The following TUBB3 variants were observed in gnomAD, a reference collection of about 807,000 sequenced individuals.
TUBB3 encodes tubulin beta-3 chain.
Under a neutral mutation model 37.8 loss-of-function variants are expected in TUBB3, and 17 were observed. The observed-to-expected ratio is 0.45, with a 90% CI of 0.31 to 0.67. TUBB3 has a LOEUF of 0.67. TUBB3 is among the 30% of genes least tolerant of loss of function. The probability of loss-of-function intolerance (pLI) is 0.07; values close to 1 mark genes in which losing one functional copy is unlikely to be tolerated. For synonymous variants in TUBB3, 332 were observed against 278.9 expected (o/e 1.19, Z -1.90); for missense variants, 262 against 657.9 (o/e 0.40, Z 6.58).
At chr16:89,927,584 T>TTTTTTTTTTTTTTTTTTTTTTTTTTTGAG (rs2030131966) in intron 1 of TUBB3, among the ~76,000 whole-genome samples, 1 of 152,020 alleles carries the variant, frequency 6.6e-6, no homozygotes, top group African/African-American at 2.4e-5. Flanking sequence ...CCATTTTTTT[T>TTTTTTTTTTTTTTTTTTTTTTTTTTTGAG]AAGTGACCTG....
chr16:89,923,859 G>A (rs2029973634), intron 1 of TUBB3, among the ~76,000 whole-genome samples: 2 of 152,130 alleles, frequency 1.3e-5, no homozygotes, highest in Non-Finnish European at 2.9e-5. Flanking sequence ...GGTGGGGTGG[G>A]GGGTTCTCCT....
chr16:89,922,181 C>G (rs1179190753), upstream of TUBB3: 2 of 152,422 alleles, frequency 1.3e-5, no homozygotes, highest in African/African-American at 2.4e-5. Context: ...AAGAGAGAGA[C>G]AGGTACAGGT....
intron 1 of TUBB3, among the ~76,000 whole-genome samples, chr16:89,926,527 G>A (rs1013899119): frequency 6.6e-6 from 1 of 152,202 alleles, no homozygotes; most frequent in Non-Finnish European, 1.5e-5. Flanking sequence ...ACAGCGCCCG[G>A]GCCGAGCGCC....
At position 89,935,963 on chromosome 16, in the gene TUBB3, C is replaced by A; in HGVS notation, c.*159C>A. ...GTATTTATGGCCTCGTCCTCCCCACCTAGGCCACGTGTGAGCTGCTCCTGT... is the reference window on the plus strand; with the variant it reads ...GTATTTATGGCCTCGTCCTCCCCACATAGGCCACGTGTGAGCTGCTCCTGT... On this transcript the variant is annotated 3_prime_UTR_variant, in exon 4 of 4. Coordinates refer to ENST00000315491, the MANE Select transcript of TUBB3 (RefSeq NM_006086.4). 1.2e-6 allele frequency: 1 copy of A among 869,258 alleles called. No homozygotes were observed. The allele number at this position is 869,258 out of a possible 1,614,324, so 53.8% of individuals were successfully genotyped here.
chr16:89,927,777 C>T (rs575273798), intron 1 of TUBB3, among the ~76,000 whole-genome samples: 11 of 152,346 alleles, frequency 7.2e-5, no homozygotes, highest in African/African-American at 1.9e-4. Flanking sequence ...CAGCTGTGCT[C>T]GTGCTGGGTC....
At chr16:89,925,380 G>A (rs2030036666) in intron 1 of TUBB3, among the ~76,000 whole-genome samples, 1 of 151,164 alleles carries the variant, frequency 6.6e-6, no homozygotes, top group Non-Finnish European at 1.5e-5. Context: ...TCACTTTAGC[G>A]AAGGAGTTCA....
At chr16:89,927,881 C>T (rs906789150) in intron 1 of TUBB3, among the ~76,000 whole-genome samples, 1 of 152,232 alleles carries the variant, frequency 6.6e-6, no homozygotes, top group Non-Finnish European at 1.5e-5. Context: ...CCCTCCTTTA[C>T]AGGGGCTGGT....
At chr16:89,923,534 T>A in intron 1 of TUBB3, 76 bp downstream of exon 1, 2 of 1,267,930 alleles carry the variant, frequency 1.6e-6, no homozygotes, top group South Asian at 2.0e-5. Flanking sequence ...GGGCCGCACC[T>A]CCAGCTGCCC....
At chr16:89,934,644 G>T in intron 3 of TUBB3, 85 bp from the exon 4 acceptor site, 1 of 1,368,684 alleles carries the variant, frequency 7.3e-7, no homozygotes, top group African/African-American at 1.4e-5. Flanking sequence ...TGCCACGGCT[G>T]CCCTTGGGAT....
chr16:89,926,705 C>A (rs925004176), intron 1 of TUBB3, among the ~76,000 whole-genome samples: 3 of 152,206 alleles, frequency 2.0e-5, no homozygotes, highest in African/African-American at 4.8e-5. Flanking sequence ...CCACGCCTGG[C>A]CACAATTTTC....
chr16:89,929,458 G>A (rs1432977373), intron 1 of TUBB3, among the ~76,000 whole-genome samples: 1 of 152,208 alleles, frequency 6.6e-6, no homozygotes, highest in East Asian at 1.9e-4. Context: ...GTTAGCAGAG[G>A]TGGTCCATGT....
chr16:89,932,396 T>G (rs753225228), intron 1 of TUBB3, among the ~76,000 whole-genome samples, 175 bp from the exon 2 acceptor site: 5 of 152,162 alleles, frequency 3.3e-5, no homozygotes, highest in African/African-American at 1.2e-4. Context: ...GCATATTTAT[T>G]ATGGCAATTT....
chr16:89,930,735 A>G (rs2030252155), intron 1 of TUBB3, among the ~76,000 whole-genome samples: 1 of 151,576 alleles, frequency 6.6e-6, no homozygotes, highest in African/African-American at 2.4e-5. Flanking sequence ...GGGTCTTGAT[A>G]TGAATTCCTA....
Position 89,935,749 on chromosome 16 carries a change from A to G in TUBB3, c.1298A>G (p.Glu433Gly). ...TACCAGGACGCCACGGCCGAGGAAG[A>G]GGGCGAGATGTACGAAGACGACGAG... is the stretch of plus-strand genomic sequence containing the variant. Reference protein sequence around the residue: ...QQYQDATAEEEGEMYEDDEEE... With the variant: ...QQYQDATAEEGGEMYEDDEEE... Residue 433 changes from glutamate (E) to glycine (G), a missense_variant, in exon 4 of 4, where the codon GAG (glutamate) becomes GGG (glycine). By Grantham distance (98) the Glu-to-Gly change is moderately conservative. This residue lies in a region of TUBB3 where 39 missense variants were observed against 26.9 expected (regional missense o/e 1.45). Transcript: ENST00000315491. The G allele has an allele frequency of 6.2e-7, 1 of 1,613,930 alleles. No homozygotes were observed. The highest frequency in any genetic ancestry group is 8.5e-7 in the Non-Finnish European group (1 of 1,179,960).
rs1567765660 is a variant in TUBB3, at chr16:89,935,943, T to A, written c.*139T>A. 6.2e-6 allele frequency: 7 copies of A among 1,124,626 alleles called. No individual in the cohort carries two copies. The highest frequency in any genetic ancestry group is 6.3e-6 in the Non-Finnish European group (5 of 797,822). 69.7% of individuals were successfully genotyped at this position (1,124,626 alleles called of 1,614,324 possible). A position where few individuals can be genotyped will look rare whatever the true frequency, so the allele number is the denominator to read the frequency against. On this transcript the variant is annotated 3_prime_UTR_variant, in exon 4 of 4. Coordinates refer to ENST00000315491, the MANE Select transcript of TUBB3 (RefSeq NM_006086.4). ...TCCCTTGCCGCCCTCCTGCAGTATTTATGGCCTCGTCCTCCCCACCTAGGC... is the reference window on the plus strand; with the variant it reads ...TCCCTTGCCGCCCTCCTGCAGTATTAATGGCCTCGTCCTCCCCACCTAGGC...
At chr16:89,928,961 CTT>C (rs35314343) in intron 1 of TUBB3, among the ~76,000 whole-genome samples, 64 of 135,802 alleles carry the variant, frequency 4.7e-4, no homozygotes, top group Admixed American at 9.8e-4. Context: ...CGCGCCCGGC[CTT>C]TTTTTTTTTT....
chr16:89,931,793 C>G (rs949544658), intron 1 of TUBB3: 1 of 346,982 alleles, frequency 2.9e-6, no homozygotes, highest in African/African-American at 2.1e-5. Context: ...CTAGGCTCCG[C>G]TCGGCAGCTG....
At chr16:89,933,248 C>T (rs1222323734) in intron 2 of TUBB3, 2 of 697,498 alleles carry the variant, frequency 2.9e-6, no homozygotes, top group East Asian at 2.7e-5. Flanking sequence ...TGAATCCTGC[C>T]TGTCCTGCTC....
intron 2 of TUBB3, 79 bp downstream of exon 2, chr16:89,932,758 C>T: frequency 1.7e-6 from 2 of 1,155,920 alleles, no homozygotes; most frequent in Non-Finnish European, 2.6e-6. Flanking sequence ...GTCTCAGCAC[C>T]TGGACTCACC....
Sources: allele counts gnomAD v4.1 joint callset (sites outside exome capture counted in the v4.1 genomes callset), GRCh38; gene constraint gnomAD v4.1.1; regional missense constraint gnomAD v4.1.1; transcripts MANE v1.5; gene names NCBI Gene and HGNC (gene_info 2026-07-23, HGNC 2026-07-21).